Variants in APC observed in about 807,000 individuals in gnomAD.
The protein encoded by APC is APC regulator of Wnt signaling pathway.
APC carries 72 observed loss-of-function variants against 247.0 expected under a neutral mutation model. The observed-to-expected ratio is 0.29, with a 90% confidence interval of 0.24 to 0.35. The LOEUF is 0.35. Ranked by LOEUF, APC falls within the 10% of genes least tolerant of loss-of-function variation. APC has a pLI of 1.00. For missense variants in APC, 3,400 were observed against 3,360.7 expected, an observed-to-expected ratio of 1.01 and a Z score of -0.29; for synonymous variants, 1,254 against 1,162.5, an observed-to-expected ratio of 1.08 and a Z score of -1.60.
In APC at chr5:112,841,246, A is replaced by G. The variant is rs876658458; in HGVS notation, c.5652A>G (p.Ala1884=). ...GGGAAAAGGCTGAATTAAGAAAGGC[A>G]AAAGAAAATAAGGAATCAGAGGCTA... ...LSREKAELRK[A]KENKESEAKV... The change falls in exon 16 of 16, where the codon GCA becomes GCG. Residue 1884 remains alanine, a synonymous_variant. Coordinates refer to ENST00000257430, the MANE Select transcript of APC (RefSeq NM_000038.6). The surrounding 1 kb of genome is among the most constrained non-coding windows in gnomAD (Gnocchi z 4.6). 6.2e-7 allele frequency: 1 copy of G among 1,613,838 alleles called. No individual in the cohort carries two copies. Among genetic ancestry groups the G allele is most frequent in the Non-Finnish European group, 8.5e-7 (1 of 1,179,780 alleles).
chr5:112,741,185 A>C (rs765824860), intron 1 of APC, among the ~76,000 whole-genome samples: 47 of 152,222 alleles, frequency 3.1e-4, no homozygotes, highest in Admixed American at 3.3e-4. Context: ...AAGAAAACTC[A>C]TGGTAGAATT....
chr5:112,813,716 A>G (rs1055692818), intron 8 of APC, among the ~76,000 whole-genome samples: 3 of 151,744 alleles, frequency 2.0e-5, no homozygotes. Flanking sequence ...CAAAGAATTC[A>G]GAGCCAGCCT....
At chr5:112,734,532 GAAAA>G (rs933172092), upstream of APC, among the ~76,000 whole-genome samples, 1 of 149,988 alleles carries the variant, frequency 6.7e-6, no homozygotes, top group African/African-American at 2.4e-5. Context: ...TATTTTGAAA[GAAAA>G]AAAAAGCTTG....
intron 1 of APC, among the ~76,000 whole-genome samples, chr5:112,726,071 A>C (rs1239283841): frequency 6.6e-6 from 1 of 152,152 alleles, no homozygotes; most frequent in Admixed American, 6.5e-5. Context: ...ACAGACGGGC[A>C]GGTGCAGAAG....
intron 1 of APC, among the ~76,000 whole-genome samples, chr5:112,721,527 G>A (rs924534000): frequency 2.6e-5 from 4 of 152,216 alleles, no homozygotes; most frequent in Admixed American, 6.5e-5. Context: ...CGTGGATCAT[G>A]GAAGTTGGTA....
At chr5:112,739,726 T>C (rs1266142680) in intron 1 of APC, among the ~76,000 whole-genome samples, 1 of 152,180 alleles carries the variant, frequency 6.6e-6, no homozygotes, top group African/African-American at 2.4e-5. Context: ...TAGAGTCTCT[T>C]TTTTAAAATC....
chr5:112,835,864 C>T (rs765837487), intron 15 of APC, among the ~76,000 whole-genome samples: 7 of 151,648 alleles, frequency 4.6e-5, no homozygotes, highest in Admixed American at 1.3e-4. Context: ...TGAGCCACCG[C>T]GCCCGGCCAA....
intron 8 of APC, among the ~76,000 whole-genome samples, chr5:112,807,755 C>G (rs188702816): frequency 2.3e-4 from 35 of 152,196 alleles, no homozygotes; most frequent in African/African-American, 7.0e-4. Context: ...GACATGTAAC[C>G]TATTCACCTT....
intron 10 of APC, among the ~76,000 whole-genome samples, chr5:112,820,182 G>GACACACAC (rs111788809): frequency 1.3e-4 from 19 of 143,402 alleles, no homozygotes; most frequent in African/African-American, 3.3e-4. Flanking sequence ...GATAAGAACT[G>GACACACAC]ACACACACAC....
chr5:112,742,635 G>C (rs1753179015), intron 1 of APC, among the ~76,000 whole-genome samples: 1 of 152,120 alleles, frequency 6.6e-6, no homozygotes, highest in African/African-American at 2.4e-5. Flanking sequence ...GCCTCTCCAT[G>C]GGGCTGCTTG....
chr5:112,772,122 A>G (rs1475026953), intron 4 of APC, among the ~76,000 whole-genome samples: 2 of 152,254 alleles, frequency 1.3e-5, no homozygotes, highest in East Asian at 1.9e-4. Context: ...CAAATGTGCC[A>G]TGCTCTTCTA....
At chr5:112,757,589 C>G in intron 2 of APC, among the ~76,000 whole-genome samples, 1 of 152,114 alleles carries the variant, frequency 6.6e-6, no homozygotes, top group South Asian at 2.1e-4. Flanking sequence ...CAAAAATTAG[C>G]CAGGTGTGGC....
At chr5:112,794,486 A>G (rs1759987666) in intron 7 of APC, among the ~76,000 whole-genome samples, 1 of 152,196 alleles carries the variant, frequency 6.6e-6, no homozygotes, top group Non-Finnish European at 1.5e-5. Flanking sequence ...CTAACTACCC[A>G]GAGTTAGAGT....
At chr5:112,837,285 AC>A (rs1765037562) in intron 15 of APC, among the ~76,000 whole-genome samples, 1 of 152,148 alleles carries the variant, frequency 6.6e-6, no homozygotes, top group East Asian at 1.9e-4. Context: ...TATGTGCCCC[AC>A]CCCCTGCAAA....
chr5:112,772,729 C>G (rs986516547), intron 4 of APC, among the ~76,000 whole-genome samples: 3 of 152,070 alleles, frequency 2.0e-5, no homozygotes, highest in Non-Finnish European at 2.9e-5. Context: ...GTTGGCCAGG[C>G]TGGTCTCGAA....
chr5:112,746,424 C>G (rs1241053230), intron 1 of APC, among the ~76,000 whole-genome samples: 2 of 151,968 alleles, frequency 1.3e-5, no homozygotes, highest in African/African-American at 4.8e-5. Flanking sequence ...TTTCAAAATA[C>G]TATAAAAATT....
intron 1 of APC, among the ~76,000 whole-genome samples, chr5:112,739,028 AT>A (rs1257612320): frequency 6.6e-6 from 1 of 152,174 alleles, no homozygotes; most frequent in East Asian, 1.9e-4. Flanking sequence ...TGGTGAACAA[AT>A]TTTTGTAGGC....
chr5:112,806,920 G>C (rs1761473580), intron 8 of APC, among the ~76,000 whole-genome samples: 1 of 151,994 alleles, frequency 6.6e-6, no homozygotes, highest in Admixed American at 6.6e-5. Context: ...ATCACTTGAG[G>C]TCAGGAGTTC....
At position 112,822,005 on chromosome 5, in the gene APC, GT is replaced by G. The variant is rs772486710; in HGVS notation, c.1408+20del. 5 of 1,529,042 alleles carry G rather than the reference GT, an allele frequency of 3.3e-6. No individual in the cohort carries two copies. The East Asian group carries it at 1.1e-4, about 34-fold the overall frequency. 94.7% of individuals were successfully genotyped at this position (1,529,042 alleles called of 1,614,324 possible). A position where few individuals can be genotyped will look rare whatever the true frequency, so the allele number is the denominator to read the frequency against. Reference sequence around the variant, plus strand: ...TGAATGAACTAGGTAAGACAAAAATGTTTTTTAATGACATAGACAATTACTG... The same window carrying G: ...TGAATGAACTAGGTAAGACAAAAATGTTTTTAATGACATAGACAATTACTG... On this transcript the variant is annotated intron_variant, in intron 11 of 15. Transcript: ENST00000257430.
Sources: allele counts gnomAD v4.1 joint callset (sites outside exome capture counted in the v4.1 genomes callset), GRCh38; gene constraint gnomAD v4.1.1; non-coding constraint Gnocchi (gnomAD v3.1); transcripts MANE v1.5; gene names NCBI Gene and HGNC (gene_info 2026-07-23, HGNC 2026-07-21).